The following TOPBP1 variants were observed in gnomAD, a reference collection of about 807,000 sequenced individuals.
TOPBP1 encodes DNA topoisomerase 2-binding protein 1.
TOPBP1 carries 28 observed loss-of-function variants against 167.7 expected under a neutral mutation model. The ratio of observed to expected loss-of-function variants is 0.17; its 90% CI spans 0.12 to 0.23. The LOEUF is 0.23. TOPBP1 is among the 10% of genes least tolerant of loss of function. TOPBP1 has a pLI of 1.00. For synonymous variants in TOPBP1, 598 were observed against 611.4 expected (o/e 0.98, Z 0.32); for missense variants, 1,554 against 1,809.6 (o/e 0.86, Z 2.56).
chr3:133,623,270 T>G (rs1935156867), intron 18 of TOPBP1, 41 bp downstream of exon 18: 8 of 1,612,762 alleles, frequency 5.0e-6, no homozygotes, highest in Non-Finnish European at 6.8e-6. Flanking sequence ...GATTATACCT[T>G]TAGCTTAAGA....
At chr3:133,655,978 A>G (rs1264186030) in intron 5 of TOPBP1, among the ~76,000 whole-genome samples, 1 of 151,904 alleles carries the variant, frequency 6.6e-6, no homozygotes, top group Admixed American at 6.6e-5. Context: ...TGACATGGAG[A>G]CATATTTGGG....
chr3:133,656,961 A>G lies in TOPBP1; in HGVS notation c.364-104T>C, dbSNP rs559099793. The G allele has an allele frequency of 2.4e-4, 247 of 1,045,210 alleles. 1 individual carries two copies. The highest frequency in any genetic ancestry group is 2.0e-3 in the East Asian group (71 of 35,176). The allele number at this position is 1,045,210 out of a possible 1,614,324, so 64.7% of individuals were successfully genotyped here. A position where few individuals can be genotyped will look rare whatever the true frequency, so the allele number is the denominator to read the frequency against. On this transcript the variant is annotated intron_variant, in intron 4 of 27. Transcript: ENST00000260810. ...ATTTTGCTGTTGACAGTTTGAATAC[A>G]TAAGTGTTACATAACATTATAAAGT...
At chr3:133,609,945 G>T (rs1286735177) in intron 25 of TOPBP1, among the ~76,000 whole-genome samples, 2 of 152,184 alleles carry the variant, frequency 1.3e-5, no homozygotes, top group African/African-American at 4.8e-5. Flanking sequence ...AAACCTTATG[G>T]GTGATTTTTA....
chr3:133,634,101 A>C (rs1935584839), intron 14 of TOPBP1, among the ~76,000 whole-genome samples: 1 of 152,254 alleles, frequency 6.6e-6, no homozygotes, highest in African/African-American at 2.4e-5. Flanking sequence ...CTCTCAGACC[A>C]AAAATTTGAA....
In TOPBP1 at chr3:133,648,418, TA is replaced by T. The variant is rs1936156564; in HGVS notation, c.1504+964del. On this transcript the variant is annotated intron_variant, in intron 10 of 27. Transcript: ENST00000260810. ...ATAATAACGCCTAATTGTAAGATGT[TA>T]AAAGATAATGAAAATACTAGACAAA... Among the ~76,000 whole-genome samples, 11 of 152,320 alleles carry T rather than the reference TA, an allele frequency of 7.2e-5. No homozygotes were observed. The South Asian group carries it at 2.3e-3, about 32-fold the overall frequency.
intron 14 of TOPBP1, among the ~76,000 whole-genome samples, chr3:133,629,486 G>C (rs1935390560): frequency 6.6e-6 from 1 of 152,146 alleles, no homozygotes; most frequent in African/African-American, 2.4e-5. Context: ...CTACTCCAGA[G>C]AAGTTGAAGC....
At position 133,600,859 on chromosome 3, in the gene TOPBP1, A is replaced by C. The variant is rs1934265854; in HGVS notation, c.*391T>G. 6.0e-6 allele frequency: 1 copy of C among 167,390 alleles called. No homozygotes were observed. Among genetic ancestry groups the C allele is most frequent in the African/African-American group, 2.4e-5 (1 of 41,542 alleles). 10.4% of individuals were successfully genotyped at this position (167,390 alleles called of 1,614,324 possible). On this transcript the variant is annotated 3_prime_UTR_variant, in exon 28 of 28. Coordinates refer to ENST00000260810, the MANE Select transcript of TOPBP1 (RefSeq NM_007027.4). ...TAAAAATCAGGGAAAACATGAATAA[A>C]TGCTGACTGACAAATCTTGTTGTTA...
At chr3:133,629,215 A>G (rs1484351602) in intron 14 of TOPBP1, among the ~76,000 whole-genome samples, 1 of 152,240 alleles carries the variant, frequency 6.6e-6, no homozygotes, top group African/African-American at 2.4e-5. Flanking sequence ...AGCCACCAAC[A>G]GTTCCCTCCT....
At chr3:133,608,433 C>G (rs1210191073) in intron 27 of TOPBP1, 102 bp downstream of exon 27, 1 of 1,313,528 alleles carries the variant, frequency 7.6e-7, no homozygotes, top group Non-Finnish European at 1.0e-6. Context: ...GGAGACTAAT[C>G]TTCTACTAAT....
At chr3:133,612,576 T>C in intron 23 of TOPBP1, 24 bp from the exon 24 acceptor site, 1 of 1,571,374 alleles carries the variant, frequency 6.4e-7, no homozygotes, top group Non-Finnish European at 8.7e-7. Context: ...AAATGGATTG[T>C]ACTTTATTGA....
intron 27 of TOPBP1, among the ~76,000 whole-genome samples, chr3:133,608,315 A>G (rs994538620): frequency 1.3e-5 from 2 of 152,066 alleles, no homozygotes; most frequent in Admixed American, 1.3e-4. Flanking sequence ...AGATTTTTAT[A>G]CTCTTCTCAT....
At chr3:133,653,045 G>A (rs567126103) in intron 7 of TOPBP1, among the ~76,000 whole-genome samples, 4 of 152,306 alleles carry the variant, frequency 2.6e-5, no homozygotes, top group African/African-American at 9.6e-5. Flanking sequence ...ATATATGCAT[G>A]TAATGTTTAA....
In TOPBP1 at chr3:133,623,955, T is replaced by A. The variant is rs1235926540; in HGVS notation, c.2928+97A>T. ...CCAAGACTATTAAACTGGCTTCTAG[T>A]TCCATTGAGAGTGAAAACTCTTGAG... is the stretch of plus-strand genomic sequence containing the variant. On this transcript the variant is annotated intron_variant, in intron 17 of 27. Transcript: ENST00000260810. The A allele has an allele frequency of 4.2e-6, 6 of 1,415,914 alleles. No individual in the cohort carries two copies. The Admixed American group carries it at 1.6e-4, about 37-fold the overall frequency. 87.7% of individuals were successfully genotyped at this position (1,415,914 alleles called of 1,614,324 possible).
At chr3:133,628,304 T>C (rs895870852) in intron 16 of TOPBP1, 58 bp downstream of exon 16, 17 of 1,443,310 alleles carry the variant, frequency 1.2e-5, no homozygotes, top group Admixed American at 6.0e-5. Flanking sequence ...ACAATAGCTT[T>C]AGGTTTCCTT....
intron 23 of TOPBP1, among the ~76,000 whole-genome samples, chr3:133,614,481 T>C (rs1053267094): frequency 3.9e-5 from 6 of 152,162 alleles, no homozygotes; most frequent in African/African-American, 7.2e-5. Flanking sequence ...AAATGAAGGA[T>C]TGGGCATAAT....
In TOPBP1 at chr3:133,611,108, G is replaced by A; in HGVS notation, c.4069C>T (p.Leu1357Phe). The A allele has an allele frequency of 6.2e-7, 1 of 1,612,850 alleles. No homozygotes were observed. Residue 1357 changes from leucine (L) to phenylalanine (F), a missense_variant, in exon 25 of 28, where the codon CTT (leucine) becomes TTT (phenylalanine). Leu to Phe is a conservative substitution (Grantham distance 22). Coordinates refer to ENST00000260810, the MANE Select transcript of TOPBP1 (RefSeq NM_007027.4). ...ACATTGATTCCAGTCAGAACATCAAGTATGGAACTACTTCCCCATTCATAG... is the reference window on the plus strand; with the variant it reads ...ACATTGATTCCAGTCAGAACATCAAATATGGAACTACTTCCCCATTCATAG... ...EDYEWGSSSILDVLTGINVQQ... is the reference protein window; with the variant it reads ...EDYEWGSSSIFDVLTGINVQQ...
At chr3:133,658,398 C>A (rs181552875) in intron 3 of TOPBP1, among the ~76,000 whole-genome samples, 1 of 151,590 alleles carries the variant, frequency 6.6e-6, no homozygotes, top group Non-Finnish European at 1.5e-5. Flanking sequence ...ACCCAGGAGG[C>A]GGAGGTTGCA....
At chr3:133,643,943 T>C (rs887880504) in intron 11 of TOPBP1, 77 bp downstream of exon 11, 1 of 1,396,586 alleles carries the variant, frequency 7.2e-7, no homozygotes, top group East Asian at 2.3e-5. Flanking sequence ...AACTGAACTG[T>C]CTAAGAAATA....
At position 133,619,844 on chromosome 3, in the gene TOPBP1, C is replaced by T. The variant is rs185244058; in HGVS notation, c.3371+311G>A. ...CAAATCTCCATGTCTGCTCCACCTC[C>T]GAGTAAGAAATCTAGAACTGCTGGG... On this transcript the variant is annotated intron_variant, in intron 20 of 27. Coordinates refer to ENST00000260810, the MANE Select transcript of TOPBP1 (RefSeq NM_007027.4). Among the ~76,000 whole-genome samples, 20 of 152,192 alleles carry T rather than the reference C, an allele frequency of 1.3e-4. 1 individual carries two copies. The highest frequency in any genetic ancestry group is 1.0e-3 in the Admixed American group (16 of 15,284).
Sources: gnomAD v4.1 joint callset for allele counts (sites outside exome capture counted in the v4.1 genomes callset) on GRCh38, gnomAD v4.1.1 for gene constraint, MANE v1.5 for transcripts, NCBI Gene and HGNC (gene_info 2026-07-23, HGNC 2026-07-21) for gene names.